Variants in GCNT1 observed in about 807,000 individuals in gnomAD.
GCNT1 encodes beta-1,3-galactosyl-O-glycosyl-glycoprotein beta-1,6-N-acetylglucosaminyltransferase.
Under a neutral mutation model 26.2 loss-of-function variants are expected in GCNT1, and 16 were observed. The observed-to-expected ratio is 0.61, with a 90% CI of 0.41 to 0.93. The LOEUF is 0.93. Ranked by LOEUF, GCNT1 falls within the 40% of genes least tolerant of loss-of-function variation. The pLI is 0.00. For synonymous variants in GCNT1, 183 were observed against 190.8 expected (o/e 0.96, Z 0.34); for missense variants, 477 against 526.7 (o/e 0.91, Z 0.92).
At chr9:76,480,675 A>C (rs1006949201) in intron 2 of GCNT1, among the ~76,000 whole-genome samples, 1 of 152,082 alleles carries the variant, frequency 6.6e-6, no homozygotes, top group African/African-American at 2.4e-5. Context: ...GTGCTAATAA[A>C]TACTATTTTC....
upstream of GCNT1, among the ~76,000 whole-genome samples, chr9:76,418,718 G>A (rs1823153258): frequency 6.6e-6 from 1 of 152,166 alleles, no homozygotes; most frequent in Non-Finnish European, 1.5e-5. Context: ...ACAATTTTGA[G>A]GGGCAGCAAA....
At position 76,421,155 on chromosome 9, in the gene GCNT1, G is replaced by A. The variant is rs371627430; in HGVS notation, n.38+1268G>A. Among the ~76,000 whole-genome samples, 4 of 152,244 alleles carry A rather than the reference G, an allele frequency of 2.6e-5. No homozygotes were observed. In the South Asian group the frequency reaches 6.2e-4, roughly 24 times the overall value. On this transcript the variant is annotated intron_variant and non_coding_transcript_variant, in intron 1 of 3. Transcript: ENST00000488136. The stretch of plus-strand genomic sequence containing the variant: ...TGACAGTTTTACCATTTTCACTTGT[G>A]TGCGAATTGTTAATATGAATGTGGA...
chr9:76,448,865 G>A (rs1255260351), intron 1 of GCNT1, among the ~76,000 whole-genome samples: 1 of 152,148 alleles, frequency 6.6e-6, no homozygotes, highest in African/African-American at 2.4e-5. Flanking sequence ...ATTCAGACAG[G>A]TACTTCTTTT....
the GCNT1 span, chr9:76,394,435 T>G: frequency 6.7e-5 from 23 of 342,494 alleles, no homozygotes; most frequent in South Asian, 2.4e-4. Context: ...GTGCCGGGTG[T>G]GAGCGGGGTG....
chr9:76,468,522 A>G (rs1824058496), intron 2 of GCNT1, among the ~76,000 whole-genome samples: 1 of 152,182 alleles, frequency 6.6e-6, no homozygotes, highest in Non-Finnish European at 1.5e-5. Flanking sequence ...ATGGCATGAG[A>G]AAGAATCACT....
chr9:76,403,589 T>A, the GCNT1 span, among the ~76,000 whole-genome samples: 1 of 152,226 alleles, frequency 6.6e-6, no homozygotes, highest in South Asian at 2.1e-4. Context: ...TCAGGCCCTG[T>A]GCTAGACACG....
chr9:76,467,897 G>GTTT lies in GCNT1; in HGVS notation c.-290+7747_-290+7749dup, dbSNP rs35387152. Among the ~76,000 whole-genome samples, 179 of 59,100 alleles carry GTTT rather than the reference G, an allele frequency of 3.0e-3. 20 individuals are homozygous for GTTT. The highest frequency in any genetic ancestry group is 4.4e-3 in the African/African-American group (61 of 13,816). The allele number at this position is 59,100 out of a possible 152,430, so 38.8% of individuals were successfully genotyped here. A position where few individuals can be genotyped will look rare whatever the true frequency, so the allele number is the denominator to read the frequency against. On this transcript the variant is annotated intron_variant, in intron 2 of 3. Transcript: ENST00000376730. ...GAATGCCAGTGGTCCCTCTTTCAGT[G>GTTT]TTTTTTTTTTTTTTTTTTTTTTTTT...
At chr9:76,440,113 A>G (rs961322329), upstream of GCNT1, among the ~76,000 whole-genome samples, 3 of 151,930 alleles carry the variant, frequency 2.0e-5, no homozygotes, top group African/African-American at 7.2e-5. Context: ...ATAAAAAAAA[A>G]AAAAAAGAAA....
At chr9:76,492,729 C>T (rs1289132106) in intron 2 of GCNT1, among the ~76,000 whole-genome samples, 2 of 151,642 alleles carry the variant, frequency 1.3e-5, no homozygotes, top group African/African-American at 4.8e-5. Context: ...AGTATTTCTG[C>T]AAACCACACT....
chr9:76,477,516 A>G, intron 2 of GCNT1, among the ~76,000 whole-genome samples: 1 of 60,842 alleles, frequency 1.6e-5, no homozygotes, highest in East Asian at 7.6e-4. Context: ...ACAGAGTGAG[A>G]CTCTGTCTCC....
At chr9:76,493,010 T>A (rs1210525409) in intron 2 of GCNT1, among the ~76,000 whole-genome samples, 1 of 152,118 alleles carries the variant, frequency 6.6e-6, no homozygotes, top group Non-Finnish European at 1.5e-5. Context: ...TCTTTTAGGA[T>A]CAATTGACCC....
intron 1 of GCNT1, among the ~76,000 whole-genome samples, chr9:76,443,914 AAAGGAAGAAAGGAAGAAAGGAAGG>A (rs1419465720): frequency 1.2e-3 from 81 of 65,798 alleles, no homozygotes; most frequent in Admixed American, 3.6e-3. Context: ...AGAAAGGAAG[AAAGGAAGAAAGGAAGAAAGGAAGG>A]AAGGAAGGAA....
chr9:76,431,864 C>T (rs895888727), intron 1 of GCNT1, among the ~76,000 whole-genome samples: 1 of 152,164 alleles, frequency 6.6e-6, no homozygotes, highest in Non-Finnish European at 1.5e-5. Flanking sequence ...AATTCCTGCA[C>T]TTTGCGAGGC....
chr9:76,494,255 C>A (rs1427223242), intron 2 of GCNT1, among the ~76,000 whole-genome samples: 1 of 152,142 alleles, frequency 6.6e-6, no homozygotes, highest in Non-Finnish European at 1.5e-5. Flanking sequence ...TTCTCCTGGG[C>A]CACAAAGAGG....
At chr9:76,492,599 G>T (rs546848653) in intron 2 of GCNT1, among the ~76,000 whole-genome samples, 3 of 150,718 alleles carry the variant, frequency 2.0e-5, no homozygotes, top group African/African-American at 7.3e-5. Context: ...CAGTCCTTTT[G>T]TTGGATTATC....
intron 1 of GCNT1, among the ~76,000 whole-genome samples, chr9:76,450,752 C>T (rs958655871): frequency 3.9e-5 from 6 of 152,010 alleles, no homozygotes; most frequent in Admixed American, 2.6e-4. Context: ...ACGTAAACAC[C>T]CCTTTATTTG....
chr9:76,402,151 C>A, the GCNT1 span, among the ~76,000 whole-genome samples: 1 of 152,170 alleles, frequency 6.6e-6, no homozygotes, highest in Admixed American at 6.5e-5. Flanking sequence ...AAATCTGTGT[C>A]CTGCCACTAG....
chr9:76,502,707 A>G lies in GCNT1; in HGVS notation c.326A>G (p.Tyr109Cys). 6.2e-7 allele frequency: 1 copy of G among 1,614,088 alleles called. No homozygotes were observed. Among genetic ancestry groups the G allele is most frequent in the Non-Finnish European group, 8.5e-7 (1 of 1,179,902 alleles). ...DCSSFIKRRKYIVEPLSKEEA... is the reference protein window; with the variant it reads ...DCSSFIKRRKCIVEPLSKEEA... The stretch of plus-strand genomic sequence containing the variant: ...TCTTCTTTCATCAAGAGACGCAAAT[A>G]TATTGTAGAACCCCTTAGTAAAGAA... The change falls in exon 4 of 4, where the codon TAT becomes TGT. Residue 109 changes from tyrosine (Y) to cysteine (C), a missense_variant. Transcript: ENST00000376730.
the GCNT1 span, among the ~76,000 whole-genome samples, chr9:76,397,579 G>C: frequency 6.6e-6 from 1 of 152,002 alleles, no homozygotes; most frequent in Non-Finnish European, 1.5e-5. Context: ...GAGTAGCTGG[G>C]ACTACAGGTT....
Sources: allele counts gnomAD v4.1 joint callset (sites outside exome capture counted in the v4.1 genomes callset), GRCh38; gene constraint gnomAD v4.1.1; transcripts MANE v1.5; gene names NCBI Gene and HGNC (gene_info 2026-07-23, HGNC 2026-07-21).